Variants in TBL1Y observed in about 807,000 individuals in gnomAD.
TBL1Y encodes the protein F-box-like/WD repeat-containing protein TBL1Y.
Under a neutral mutation model 12.0 loss-of-function variants are expected in TBL1Y, and 15 were observed. The observed-to-expected ratio is 1.25, with a 90% CI of 0.83 to 1.92. The LOEUF (loss-of-function observed/expected upper bound fraction) is 1.92. Among genes scored for constraint, TBL1Y ranks in the 40% most tolerant of loss-of-function variants. The probability of loss-of-function intolerance (pLI) is 0.00; values close to 1 mark genes in which losing one functional copy is unlikely to be tolerated. For synonymous variants in TBL1Y, 53 were observed against 42.6 expected (o/e 1.24, Z -0.95); for missense variants, 148 against 116.7 (o/e 1.27, Z -1.24).
chrY:6,962,636 A>C (rs2012135785), intron 2 of TBL1Y, among the ~76,000 whole-genome samples: 3 of 34,065 alleles, frequency 8.8e-5, no homozygotes, highest in Admixed American at 5.3e-4. Flanking sequence ...CCATTGCTGG[A>C]ACCATCAGTA....
intron 7 of TBL1Y, among the ~76,000 whole-genome samples, chrY:7,051,785 G>A: frequency 6.0e-5 from 2 of 33,576 alleles, no homozygotes; most frequent in African/African-American, 2.3e-4. Flanking sequence ...TCACTTGCAA[G>A]CATTTATAGA....
At chrY:7,057,049 C>T (rs889490034) in intron 7 of TBL1Y, among the ~76,000 whole-genome samples, 2 of 32,324 alleles carry the variant, frequency 6.2e-5, no homozygotes, top group Admixed American at 2.9e-4. Context: ...AAGAGAATGA[C>T]GGGGTGAGTG....
At chrY:7,060,859 C>A (rs2012859025) in intron 7 of TBL1Y, among the ~76,000 whole-genome samples, 2 of 32,122 alleles carry the variant, frequency 6.2e-5, no homozygotes, top group Non-Finnish European at 1.5e-4. Flanking sequence ...TACTGAATAC[C>A]CATTATGTCT....
At chrY:7,064,573 A>G in intron 8 of TBL1Y, among the ~76,000 whole-genome samples, 2 of 33,873 alleles carry the variant, frequency 5.9e-5, no homozygotes, top group Admixed American at 2.7e-4. Flanking sequence ...GCATCAGCTT[A>G]TTTGGTCTTT....
intron 4 of TBL1Y, among the ~76,000 whole-genome samples, chrY:7,021,028 G>A (rs2012580149): frequency 3.0e-5 from 1 of 33,412 alleles, no homozygotes; most frequent in East Asian, 7.8e-4. Context: ...TTCTCCCAGT[G>A]GTGTGCACAG....
intron 6 of TBL1Y, among the ~76,000 whole-genome samples, chrY:7,034,593 C>T (rs2012676331): frequency 3.0e-5 from 1 of 33,384 alleles, no homozygotes; most frequent in African/African-American, 1.2e-4. Flanking sequence ...TACAAGGCTA[C>T]AGTAACCAAA....
rs1603033795 is a variant in TBL1Y, at chrY:6,984,653, C to T, written c.-235+6410C>T. 2.4e-4 allele frequency among the ~76,000 whole-genome samples: 8 copies of T among 33,965 alleles called. No individual in the cohort carries two copies. In the South Asian group the frequency reaches 5.5e-3, roughly 23 times the overall value. 91.1% of individuals were successfully genotyped at this position (33,965 alleles called of 37,273 possible). A position where few individuals can be genotyped will look rare whatever the true frequency, so the allele number is the denominator to read the frequency against. On this transcript the variant is annotated intron_variant, in intron 3 of 18. Coordinates refer to ENST00000383032, the MANE Select transcript of TBL1Y (RefSeq NM_033284.2). ...CCTTTGGTACCACTCGAACCTCTTT[C>T]TATTCCTCCTCTCCTAAGTTCTCAG...
chrY:7,043,035 C>T lies in TBL1Y; in HGVS notation c.114C>T (p.Asn38=). 7.5e-6 allele frequency: 3 copies of T among 398,289 alleles called. No homozygotes were observed. Among genetic ancestry groups the T allele is most frequent in the Non-Finnish European group, 7.1e-6 (2 of 283,512 alleles). The change falls in exon 7 of 19, where the codon AAC becomes AAT. Residue 38 remains asparagine, a synonymous_variant. Transcript: ENST00000383032. ...FGIESHISQS[N]INGTLVPPSA... Reference sequence around the variant, plus strand: ...TCGAGAGCCACATCAGCCAGTCCAACATCAATGGGACACTAGTGCCACCGT... The same window carrying T: ...TCGAGAGCCACATCAGCCAGTCCAATATCAATGGGACACTAGTGCCACCGT...
chrY:7,074,618 C>T lies in TBL1Y; in HGVS notation c.953C>T (p.Ser318Leu). 2.5e-6 allele frequency: 1 copy of T among 396,496 alleles called. No individual in the cohort carries two copies. Among genetic ancestry groups the T allele is most frequent in the South Asian group, 3.0e-5 (1 of 33,336 alleles). Residue 318 changes from serine (S) to leucine (L), a missense_variant and splice_region_variant, in exon 13 of 19, where the codon TCA (serine) becomes TTA (leucine). By Grantham distance (145) the Ser-to-Leu change is moderately radical (BLOSUM62 -2). Transcript: ENST00000383032. ...GCCAAACAGCAGTTTCCTTTTCATT[C>T]AGGTGAGTCTTTATGTTTGTGTTTT... ...GEAKQQFPFH[S>L]APALDVDWQN...
intron 2 of TBL1Y, among the ~76,000 whole-genome samples, chrY:6,927,962 T>A: frequency 3.0e-5 from 1 of 33,078 alleles, no homozygotes; most frequent in South Asian, 6.8e-4. Flanking sequence ...AGTGAATAAA[T>A]GTAGAAATTA....
At chrY:7,027,008 G>A in intron 6 of TBL1Y, among the ~76,000 whole-genome samples, 1 of 30,668 alleles carries the variant, frequency 3.3e-5, no homozygotes, top group South Asian at 7.5e-4. Flanking sequence ...GCTGAAGCCC[G>A]TCCTTCCACC....
chrY:6,915,570 T>C, intron 2 of TBL1Y, among the ~76,000 whole-genome samples: 1 of 34,008 alleles, frequency 2.9e-5, no homozygotes, highest in Non-Finnish European at 7.3e-5. Flanking sequence ...TGCCATTTGT[T>C]CTTTCTTTGG....
intron 2 of TBL1Y, among the ~76,000 whole-genome samples, chrY:6,926,628 T>C (rs767490437): frequency 5.9e-5 from 2 of 34,126 alleles, no homozygotes; most frequent in South Asian, 1.3e-3. Context: ...TATTTTGAAA[T>C]GGAGTCTTGC....
chrY:6,927,522 G>A (rs747762853), intron 2 of TBL1Y, among the ~76,000 whole-genome samples: 28 of 33,965 alleles, frequency 8.2e-4, no homozygotes, highest in Admixed American at 1.9e-3. Flanking sequence ...ACTGCACCTG[G>A]CCTGCGTGTT....
At chrY:6,958,635 C>A (rs932563372) in intron 2 of TBL1Y, among the ~76,000 whole-genome samples, 9 of 32,646 alleles carry the variant, frequency 2.8e-4, no homozygotes, top group South Asian at 2.2e-3. Flanking sequence ...GCAGGGTGAT[C>A]ATAAGGAGAA....
chrY:6,935,382 A>G (rs2011898044), intron 2 of TBL1Y, among the ~76,000 whole-genome samples: 2 of 27,637 alleles, frequency 7.2e-5, no homozygotes, highest in African/African-American at 3.1e-4. Flanking sequence ...TTTGCCTGGC[A>G]TCTTTCCCTC....
chrY:7,033,937 C>T, intron 6 of TBL1Y, among the ~76,000 whole-genome samples: 1 of 33,294 alleles, frequency 3.0e-5, no homozygotes, highest in African/African-American at 1.2e-4. Context: ...AGGATGCCCT[C>T]TCTCACCACT....
chrY:6,991,576 G>T, intron 3 of TBL1Y, among the ~76,000 whole-genome samples: 1 of 32,989 alleles, frequency 3.0e-5, no homozygotes, highest in Non-Finnish European at 7.4e-5. Flanking sequence ...ATTTGGACAC[G>T]CTCATACAGG....
Position 7,087,247 on chromosome Y carries a change from G to A in TBL1Y, c.1281-20G>A. The stretch of plus-strand genomic sequence containing the variant: ...TGCCCAGCCTGGTCTTCAACTCCTG[G>A]CTTTCTCCCATCCTCCTAGTGCTTC... On this transcript the variant is annotated intron_variant, in intron 16 of 18. Coordinates refer to ENST00000383032, the MANE Select transcript of TBL1Y (RefSeq NM_033284.2). The A allele has an allele frequency of 2.8e-6, 1 of 357,147 alleles. No homozygotes were observed. The highest frequency in any genetic ancestry group is 7.5e-5 in the African/African-American group (1 of 13,261). The allele number at this position is 357,147 out of a possible 400,897, so 89.1% of individuals were successfully genotyped here.
Sources: gnomAD v4.1 joint callset for allele counts (sites outside exome capture counted in the v4.1 genomes callset) on GRCh38, gnomAD v4.1.1 for gene constraint, MANE v1.5 for transcripts, NCBI Gene and HGNC (gene_info 2026-07-23, HGNC 2026-07-21) for gene names.